The following CD96 variants were observed in gnomAD, a reference collection of about 807,000 sequenced individuals.
The protein encoded by CD96 is CD96 molecule, also known as T-cell surface protein tactile.
In CD96, 70 loss-of-function variants were observed where a neutral mutation model predicts 71.3. That is an observed-to-expected ratio of 0.98 (90% CI 0.81 to 1.20). The LOEUF (loss-of-function observed/expected upper bound fraction) is 1.20. CD96 is among the 50% of genes most tolerant of loss of function. CD96 has a pLI of 0.00. For synonymous variants in CD96, 248 were observed against 233.0 expected (o/e 1.06, Z -0.59); for missense variants, 742 against 677.5 (o/e 1.10, Z -1.06).
intron 10 of CD96, among the ~76,000 whole-genome samples, chr3:111,626,682 G>A (rs1938782026): frequency 6.6e-6 from 1 of 152,104 alleles, no homozygotes; most frequent in African/African-American, 2.4e-5. Flanking sequence ...TAATCTAAAT[G>A]GCCATAGTCA....
chr3:111,595,336 C>T (rs1937207607), intron 5 of CD96: 1 of 152,046 alleles, frequency 6.6e-6, no homozygotes, highest in Non-Finnish European at 1.5e-5. Context: ...CTGATCTTTC[C>T]TGCGCAGAGT....
At chr3:111,600,632 C>A in intron 6 of CD96, 94 bp from the exon 7 acceptor site, 1 of 957,906 alleles carries the variant, frequency 1.0e-6, no homozygotes, top group Non-Finnish European at 1.7e-6. Flanking sequence ...TTAGACTCTA[C>A]ATTACCACAA....
chr3:111,652,643 A>C (rs186044284), downstream of CD96, among the ~76,000 whole-genome samples: 64 of 152,268 alleles, frequency 4.2e-4, 2 homozygotes, highest in East Asian at 0.012. Context: ...GCATTTGCAC[A>C]TTCATTACCA....
At chr3:111,645,186 T>C (rs1282006587) in intron 12 of CD96, among the ~76,000 whole-genome samples, 1 of 151,952 alleles carries the variant, frequency 6.6e-6, no homozygotes, top group Non-Finnish European at 1.5e-5. Context: ...GAATACTACA[T>C]AGCCATAAAA....
intron 8 of CD96, among the ~76,000 whole-genome samples, chr3:111,617,950 G>C (rs191151104): frequency 6.6e-6 from 1 of 152,296 alleles, no homozygotes; most frequent in East Asian, 1.9e-4. Flanking sequence ...AAGCTTTCTG[G>C]TGCCACAGTG....
chr3:111,543,224 T>G (rs1934199778), intron 1 of CD96, among the ~76,000 whole-genome samples: 1 of 152,246 alleles, frequency 6.6e-6, no homozygotes, highest in South Asian at 2.1e-4. Context: ...TTTCCTTTTG[T>G]GAGCTTCAGT....
intron 8 of CD96, among the ~76,000 whole-genome samples, chr3:111,610,655 C>G (rs1182743948): frequency 6.6e-6 from 1 of 152,190 alleles, no homozygotes; most frequent in Non-Finnish European, 1.5e-5. Flanking sequence ...TTCGTGTTTG[C>G]TGAGTCCCAG....
chr3:111,565,337 C>A (rs1935656409), intron 2 of CD96, among the ~76,000 whole-genome samples: 1 of 152,034 alleles, frequency 6.6e-6, no homozygotes, highest in African/African-American at 2.4e-5. Flanking sequence ...TTTTGTTACC[C>A]TATTTATCTT....
chr3:111,657,778 G>A (rs1397657171), intron 14 of CD96, among the ~76,000 whole-genome samples: 1 of 151,556 alleles, frequency 6.6e-6, no homozygotes, highest in Non-Finnish European at 1.5e-5. Context: ...CACAATATGT[G>A]TGTGTATATG....
At position 111,649,770 on chromosome 3, in the gene CD96, A is replaced by T; in HGVS notation, c.1674A>T (p.Glu558Asp). 4 of 1,613,538 alleles carry T rather than the reference A, an allele frequency of 2.5e-6. No individual in the cohort carries two copies. The highest frequency in any genetic ancestry group is 3.4e-6 in the Non-Finnish European group (4 of 1,179,428). Residue 558 changes from glutamate to aspartate, a missense_variant, in exon 14 of 14, where the codon GAA (glutamate) becomes GAT (aspartate). Transcript: ENST00000352690. ...ACACTTGCATTCAAGAGCCCAACGA[A>T]AGTGATCTGCCTTATCATGAGATGG... Reference protein sequence around the residue: ...IKYTCIQEPNESDLPYHEMET... With the variant: ...IKYTCIQEPNDSDLPYHEMET...
Position 111,596,615 on chromosome 3 carries a change from A to C in CD96, c.808-1505A>C, listed in dbSNP as rs146617822. Among the ~76,000 whole-genome samples the C allele has an allele frequency of 5.9e-5, 9 of 152,274 alleles. No individual in the cohort carries two copies. The East Asian group carries it at 1.7e-3, about 29-fold the overall frequency. On this transcript the variant is annotated intron_variant, in intron 5 of 13. Transcript: ENST00000352690. ...GGTTAATGTCACTGGATTAATGCAA[A>C]ACTTTGTATCTTTTTCTTTTTTTAA...
chr3:111,581,757 G>A (rs1936476775), intron 4 of CD96, among the ~76,000 whole-genome samples: 1 of 152,134 alleles, frequency 6.6e-6, no homozygotes, highest in South Asian at 2.1e-4. Flanking sequence ...CTTTTATTCT[G>A]CTGGTATTTG....
At chr3:111,645,557 A>G (rs1269264320) in intron 12 of CD96, among the ~76,000 whole-genome samples, 1 of 152,142 alleles carries the variant, frequency 6.6e-6, no homozygotes. Flanking sequence ...TCTTTCCTTT[A>G]TCTAAAACTT....
chr3:111,627,079 T>C (rs763707001), intron 10 of CD96, among the ~76,000 whole-genome samples: 2 of 152,144 alleles, frequency 1.3e-5, no homozygotes, highest in Non-Finnish European at 2.9e-5. Context: ...TAATAAGAAA[T>C]GGCAAATAGG....
intron 10 of CD96, among the ~76,000 whole-genome samples, chr3:111,635,957 T>G (rs1328466278): frequency 6.6e-6 from 1 of 152,214 alleles, no homozygotes; most frequent in Admixed American, 6.5e-5. Flanking sequence ...TGTTTTTCAG[T>G]TAGTTATTGC....
intron 8 of CD96, among the ~76,000 whole-genome samples, chr3:111,621,279 A>G (rs1462561997): frequency 2.0e-5 from 3 of 152,226 alleles, no homozygotes; most frequent in Admixed American, 6.5e-5. Flanking sequence ...CACCACTGTT[A>G]AGAACAATTC....
At chr3:111,590,739 A>G (rs1230602998) in intron 5 of CD96, among the ~76,000 whole-genome samples, 2 of 152,194 alleles carry the variant, frequency 1.3e-5, no homozygotes, top group African/African-American at 4.8e-5. Flanking sequence ...AGGTTTTTGT[A>G]TTAGAGCAAA....
downstream of CD96, among the ~76,000 whole-genome samples, chr3:111,656,583 C>T (rs1940235136): frequency 2.0e-5 from 3 of 152,092 alleles, no homozygotes; most frequent in Non-Finnish European, 4.4e-5. Flanking sequence ...TATGTGTATT[C>T]ACAAAGTATT....
chr3:111,584,799 GA>G (rs973144874), intron 4 of CD96, among the ~76,000 whole-genome samples: 12 of 152,292 alleles, frequency 7.9e-5, no homozygotes, highest in African/African-American at 2.9e-4. Context: ...GTTGAGATTT[GA>G]GTGAGGACAG....
Sources: gnomAD v4.1 joint callset for allele counts (sites outside exome capture counted in the v4.1 genomes callset) on GRCh38, gnomAD v4.1.1 for gene constraint, MANE v1.5 for transcripts, NCBI Gene and HGNC (gene_info 2026-07-23, HGNC 2026-07-21) for gene names.